The following UTY variants were observed in gnomAD, a reference collection of about 807,000 sequenced individuals.
UTY encodes the protein histone demethylase UTY.
Under a neutral mutation model 32.5 loss-of-function variants are expected in UTY, and 12 were observed. The ratio of observed to expected loss-of-function variants is 0.37; its 90% confidence interval spans 0.24 to 0.60. The LOEUF (loss-of-function observed/expected upper bound fraction) is 0.60. UTY is among the 20% of genes least tolerant of loss of function. The probability of loss-of-function intolerance (pLI) is 0.69; values close to 1 mark genes in which losing one functional copy is unlikely to be tolerated. For missense variants in UTY, 303 were observed against 299.2 expected (o/e 1.01, Z -0.09); for synonymous variants, 131 against 103.4 (o/e 1.27, Z -1.62).
At chrY:13,475,384 T>C (rs2078936244) in intron 2 of UTY, among the ~76,000 whole-genome samples, 1 of 34,199 alleles carries the variant, frequency 2.9e-5, no homozygotes, top group Non-Finnish European at 7.3e-5. Flanking sequence ...ATTTACAAAA[T>C]ATGTAGGTTT....
At chrY:13,282,817 C>A in intron 27 of UTY, among the ~76,000 whole-genome samples, 1 of 34,362 alleles carries the variant, frequency 2.9e-5, no homozygotes, top group Non-Finnish European at 7.3e-5. Flanking sequence ...AACTGACAGA[C>A]GGCCGAGGCA....
chrY:13,298,257 C>T (rs781094911), intron 26 of UTY, among the ~76,000 whole-genome samples: 1 of 33,217 alleles, frequency 3.0e-5, no homozygotes, highest in East Asian at 7.8e-4. Context: ...CTCTTAAGGC[C>T]AGATTATTTA....
intron 27 of UTY, among the ~76,000 whole-genome samples, chrY:13,292,173 G>A (rs2057795922): frequency 6.1e-5 from 2 of 32,566 alleles, no homozygotes; most frequent in African/African-American, 1.2e-4. Context: ...GAAACAGGCC[G>A]GGTGCGGTGG....
At chrY:13,256,924 T>G in intron 28 of UTY, among the ~76,000 whole-genome samples, 1 of 34,149 alleles carries the variant, frequency 2.9e-5, no homozygotes, top group Non-Finnish European at 7.3e-5. Context: ...TAGTTGCTAA[T>G]GCAATATCTA....
At position 13,454,742 on chromosome Y, in the gene UTY, G is replaced by A. The variant is rs1198145505; in HGVS notation, c.326-5676C>T. Reference sequence around the variant, plus strand: ...CACCTGAGACCAGGAGTTCGAGACTGGCCTAGACAACATGGCAAAACCCTG... The same window carrying A: ...CACCTGAGACCAGGAGTTCGAGACTAGCCTAGACAACATGGCAAAACCCTG... On this transcript the variant is annotated intron_variant, in intron 3 of 29. Transcript: ENST00000545955. Among the ~76,000 whole-genome samples the A allele has an allele frequency of 1.9e-4, 6 of 31,256 alleles. No individual in the cohort carries two copies. In the East Asian group the frequency reaches 5.1e-3, roughly 26 times the overall value. 83.9% of individuals were successfully genotyped at this position (31,256 alleles called of 37,273 possible). A position where few individuals can be genotyped will look rare whatever the true frequency, so the allele number is the denominator to read the frequency against.
intron 3 of UTY, among the ~76,000 whole-genome samples, chrY:13,469,248 G>A (rs1603481183): frequency 4.5e-5 from 1 of 22,057 alleles, no homozygotes; most frequent in Non-Finnish European, 1.0e-4. Context: ...GCCTTGCTCT[G>A]TTGCCTAGGC....
At chrY:13,315,059 CT>C (rs2059403388) in intron 21 of UTY, among the ~76,000 whole-genome samples, 1 of 33,812 alleles carries the variant, frequency 3.0e-5, no homozygotes. Context: ...AATCCAGCGG[CT>C]GTAGAGACTA....
intron 27 of UTY, among the ~76,000 whole-genome samples, chrY:13,271,721 G>C: frequency 2.9e-5 from 1 of 33,907 alleles, no homozygotes; most frequent in Non-Finnish European, 7.3e-5. Flanking sequence ...CCCATAATCT[G>C]TGATTATGTG....
intron 27 of UTY, among the ~76,000 whole-genome samples, chrY:13,285,545 A>G: frequency 1.2e-4 from 4 of 34,539 alleles, no homozygotes; most frequent in African/African-American, 4.5e-4. Flanking sequence ...CACGAGTTAA[A>G]AAGAGGAACT....
At chrY:13,470,075 G>A (rs1316420484) in intron 3 of UTY, 46 bp downstream of exon 3, 11 of 291,837 alleles carry the variant, frequency 3.8e-5, no homozygotes, top group Non-Finnish European at 5.4e-5. Context: ...ACAACTATGG[G>A]GCAAATGTAA....
At chrY:13,239,318 C>T in intron 28 of UTY, among the ~76,000 whole-genome samples, 1 of 33,461 alleles carries the variant, frequency 3.0e-5, no homozygotes, top group African/African-American at 1.2e-4. Context: ...ATTACAAAAT[C>T]TTTACAATAT....
chrY:13,274,876 T>C, intron 27 of UTY, among the ~76,000 whole-genome samples: 1 of 32,811 alleles, frequency 3.0e-5, no homozygotes, highest in Non-Finnish European at 7.5e-5. Flanking sequence ...TAATAGGGTG[T>C]AAATTTTATC....
intron 27 of UTY, among the ~76,000 whole-genome samples, chrY:13,269,820 C>G (rs2056172774): frequency 3.0e-5 from 1 of 33,744 alleles, no homozygotes; most frequent in African/African-American, 1.2e-4. Context: ...TTCCCTGACC[C>G]CTTCCCGGAT....
intron 28 of UTY, among the ~76,000 whole-genome samples, chrY:13,236,925 T>C (rs2053857741): frequency 3.0e-5 from 1 of 33,420 alleles, no homozygotes; most frequent in Admixed American, 2.7e-4. Flanking sequence ...GCTAATATCA[T>C]ACTGCTAAGA....
chrY:13,276,422 G>T, intron 27 of UTY, among the ~76,000 whole-genome samples: 1 of 33,885 alleles, frequency 3.0e-5, no homozygotes, highest in Non-Finnish European at 7.3e-5. Flanking sequence ...TAAAATCAAA[G>T]ACAACGGCTG....
intron 21 of UTY, among the ~76,000 whole-genome samples, chrY:13,310,315 C>G: frequency 3.1e-5 from 1 of 31,980 alleles, no homozygotes; most frequent in South Asian, 7.0e-4. Context: ...AACAATGTAT[C>G]TTATAAATAG....
At chrY:13,380,477 G>C in intron 8 of UTY, among the ~76,000 whole-genome samples, 1 of 32,053 alleles carries the variant, frequency 3.1e-5, no homozygotes, top group Admixed American at 2.9e-4. Flanking sequence ...GAAAAAATGT[G>C]AGAAAATGAC....
At chrY:13,349,756 G>T in intron 17 of UTY, among the ~76,000 whole-genome samples, 5 of 33,223 alleles carry the variant, frequency 1.5e-4, no homozygotes, top group Non-Finnish European at 7.4e-5. Context: ...AAAAGCAAAG[G>T]CAATGAAAAA....
intron 27 of UTY, among the ~76,000 whole-genome samples, chrY:13,278,495 C>G (rs769864306): frequency 1.8e-4 from 6 of 33,134 alleles, no homozygotes; most frequent in Admixed American, 2.7e-4. Context: ...TGGACCCACT[C>G]TAAGAAAAAA....
Sources: gnomAD v4.1 joint callset for allele counts (sites outside exome capture counted in the v4.1 genomes callset) on GRCh38, gnomAD v4.1.1 for gene constraint, MANE v1.5 for transcripts, NCBI Gene and HGNC (gene_info 2026-07-23, HGNC 2026-07-21) for gene names.